The following PCCA variants were observed in gnomAD, a reference collection of about 807,000 sequenced individuals.
PCCA encodes propionyl-CoA carboxylase subunit alpha.
A neutral mutation model predicts 101.3 loss-of-function variants in PCCA; 74 were observed. The observed-to-expected ratio is 0.73, with a 90% CI of 0.61 to 0.89. The LOEUF (loss-of-function observed/expected upper bound fraction) is 0.89. Ranked by LOEUF, PCCA falls within the 40% of genes least tolerant of loss-of-function variation. The probability of loss-of-function intolerance (pLI) is 0.00; values close to 1 mark genes in which losing one functional copy is unlikely to be tolerated. For missense variants in PCCA, 891 were observed against 907.0 expected, an observed-to-expected ratio of 0.98 and a Z score of 0.23; for synonymous variants, 294 against 313.6, an observed-to-expected ratio of 0.94 and a Z score of 0.66.
intron 18 of PCCA, among the ~76,000 whole-genome samples, chr13:100,343,152 C>T (rs773320703): frequency 3.3e-5 from 5 of 152,132 alleles, no homozygotes; most frequent in East Asian, 1.9e-4. Context: ...GCCAAGAATG[C>T]GCCACTGCAC....
intron 4 of PCCA, among the ~76,000 whole-genome samples, chr13:100,117,423 T>C (rs2048894138): frequency 7.1e-6 from 1 of 141,698 alleles, no homozygotes; most frequent in Non-Finnish European, 1.6e-5. Context: ...ATGTACATTG[T>C]GTGTGTGCAT....
At chr13:100,238,377 AT>A (rs1342155745) in intron 8 of PCCA, among the ~76,000 whole-genome samples, 1 of 151,052 alleles carries the variant, frequency 6.6e-6, no homozygotes, top group Non-Finnish European at 1.5e-5. Flanking sequence ...TTCATTTTTT[AT>A]TTTTTCCTAC....
In PCCA at chr13:100,106,957, G is replaced by A. The variant is rs143563698; in HGVS notation, c.183+3997G>A. On this transcript the variant is annotated intron_variant, in intron 2 of 23. Coordinates refer to ENST00000376285, the MANE Select transcript of PCCA (RefSeq NM_000282.4). Reference sequence around the variant, plus strand: ...GGTACATGTTCAGACTAAGTTGGTCGCTTCACCCTTCACTTGAGGGCTGCA... The same window carrying A: ...GGTACATGTTCAGACTAAGTTGGTCACTTCACCCTTCACTTGAGGGCTGCA... Among the ~76,000 whole-genome samples the A allele has an allele frequency of 2.3e-3, 356 of 152,220 alleles. 4 individuals are homozygous for A. The highest frequency in any genetic ancestry group is 8.2e-3 in the African/African-American group (341 of 41,538).
chr13:100,433,250 A>G (rs1266733215), intron 20 of PCCA, among the ~76,000 whole-genome samples: 2 of 152,334 alleles, frequency 1.3e-5, no homozygotes, highest in South Asian at 2.1e-4. Context: ...GCAGTGCACA[A>G]TAATTTCAGT....
intron 4 of PCCA, among the ~76,000 whole-genome samples, chr13:100,118,616 T>C (rs1282629622): frequency 6.6e-6 from 1 of 152,048 alleles, no homozygotes; most frequent in African/African-American, 2.4e-5. Flanking sequence ...GTGGTGAGAT[T>C]ATAACTCACT....
At chr13:100,453,245 T>A (rs189808389) in intron 21 of PCCA, among the ~76,000 whole-genome samples, 17 of 152,122 alleles carry the variant, frequency 1.1e-4, no homozygotes, top group African/African-American at 3.9e-4. Flanking sequence ...CTCACACCTG[T>A]AATCCCAGCG....
At chr13:100,244,244 T>C in intron 8 of PCCA, among the ~76,000 whole-genome samples, 1 of 152,238 alleles carries the variant, frequency 6.6e-6, no homozygotes. Context: ...TATATTTTGC[T>C]GTTTTCCTAT....
intron 22 of PCCA, among the ~76,000 whole-genome samples, chr13:100,521,520 C>G (rs771012592): frequency 2.0e-5 from 3 of 152,198 alleles, no homozygotes; most frequent in Admixed American, 6.5e-5. Context: ...GCCTCCTCCC[C>G]GTCTCGCTTT....
At chr13:100,202,623 T>C (rs34917017) in intron 6 of PCCA, among the ~76,000 whole-genome samples, 22,700 of 151,602 alleles carry the variant, frequency 0.15, 1,816 homozygotes, top group Middle Eastern at 0.22. Context: ...TTTTCTTGAG[T>C]TGTATTTTTA....
intron 18 of PCCA, among the ~76,000 whole-genome samples, chr13:100,365,604 A>G (rs1595605247): frequency 6.6e-6 from 1 of 152,228 alleles, no homozygotes; most frequent in Admixed American, 6.5e-5. Flanking sequence ...TTAAGGAACA[A>G]TTTGTGAGGG....
At chr13:100,498,841 T>C (rs886947023) in intron 21 of PCCA, among the ~76,000 whole-genome samples, 1 of 152,192 alleles carries the variant, frequency 6.6e-6, no homozygotes, top group African/African-American at 2.4e-5. Flanking sequence ...TGGAGTGATA[T>C]TTCCTGGGGT....
At chr13:100,416,077 C>T (rs2078338400) in intron 19 of PCCA, among the ~76,000 whole-genome samples, 1 of 152,118 alleles carries the variant, frequency 6.6e-6, no homozygotes, top group African/African-American at 2.4e-5. Context: ...AAATGTTCCA[C>T]TTCAGCGTTA....
chr13:100,509,946 T>C (rs953465661), intron 21 of PCCA, among the ~76,000 whole-genome samples: 6 of 152,168 alleles, frequency 3.9e-5, no homozygotes, highest in African/African-American at 1.4e-4. Flanking sequence ...AGGTATAGTT[T>C]ACAAGCGTTA....
chr13:100,119,824 C>T (rs892939210), intron 4 of PCCA, among the ~76,000 whole-genome samples: 1 of 152,130 alleles, frequency 6.6e-6, no homozygotes, highest in Non-Finnish European at 1.5e-5. Context: ...CTTCACTCTC[C>T]AAGACTGGCT....
At chr13:100,405,390 G>C (rs1223481895) in intron 19 of PCCA, among the ~76,000 whole-genome samples, 1 of 152,100 alleles carries the variant, frequency 6.6e-6, no homozygotes, top group Non-Finnish European at 1.5e-5. Context: ...CTAAAATGTA[G>C]GTGAAAACTT....
At chr13:100,478,990 AG>A (rs1286053679) in intron 21 of PCCA, among the ~76,000 whole-genome samples, 1 of 152,160 alleles carries the variant, frequency 6.6e-6, no homozygotes, top group East Asian at 1.9e-4. Flanking sequence ...CTTCTCACTC[AG>A]GGTAAGGGAC....
intron 21 of PCCA, among the ~76,000 whole-genome samples, chr13:100,465,691 C>A (rs1468826328): frequency 6.6e-6 from 1 of 152,206 alleles, no homozygotes; most frequent in African/African-American, 2.4e-5. Context: ...CGTCCACCAA[C>A]TAGATGTCAG....
At chr13:100,103,040 T>C (rs1337940684) in intron 2 of PCCA, 80 bp downstream of exon 2, 2 of 904,970 alleles carry the variant, frequency 2.2e-6, no homozygotes, top group Non-Finnish European at 3.6e-6. Flanking sequence ...CTGTGTTCAG[T>C]GGACAGATGA....
At chr13:100,226,984 A>C (rs1463589534) in intron 7 of PCCA, among the ~76,000 whole-genome samples, 1 of 152,208 alleles carries the variant, frequency 6.6e-6, no homozygotes, top group Non-Finnish European at 1.5e-5. Context: ...ATTGGAGCCC[A>C]AGCCTTCTGG....
Sources: allele counts gnomAD v4.1 joint callset (sites outside exome capture counted in the v4.1 genomes callset), GRCh38; gene constraint gnomAD v4.1.1; transcripts MANE v1.5; gene names NCBI Gene and HGNC (gene_info 2026-07-23, HGNC 2026-07-21).